The following TET1 variants were observed in gnomAD, a reference collection of about 807,000 sequenced individuals.
TET1 encodes the protein methylcytosine dioxygenase TET1.
TET1 carries 13 observed loss-of-function variants against 148.7 expected under a neutral mutation model. That is an observed-to-expected ratio of 0.09 (90% CI 0.06 to 0.14). The LOEUF (loss-of-function observed/expected upper bound fraction) is 0.14. TET1 is among the 10% of genes least tolerant of loss of function. The pLI, the probability that TET1 is intolerant of heterozygous loss-of-function variation, is 1.00. For synonymous variants in TET1, 907 were observed against 937.2 expected (o/e 0.97, Z 0.59); for missense variants, 2,182 against 2,553.8 (o/e 0.85, Z 3.14).
intron 7 of TET1, among the ~76,000 whole-genome samples, chr10:68,672,402 C>G (rs1001967843): frequency 1.6e-5 from 2 of 127,862 alleles, no homozygotes; most frequent in African/African-American, 5.9e-5. Flanking sequence ...GCAGCAGAAT[C>G]GATTGAACTT....
At chr10:68,580,657 C>G (rs2053783668) in intron 2 of TET1, among the ~76,000 whole-genome samples, 1 of 151,180 alleles carries the variant, frequency 6.6e-6, no homozygotes, top group South Asian at 2.1e-4. Context: ...TGGTGCATGC[C>G]TATAATCTCA....
At chr10:68,610,669 C>T (rs377642137) in intron 3 of TET1, among the ~76,000 whole-genome samples, 4 of 151,232 alleles carry the variant, frequency 2.6e-5, no homozygotes, top group Admixed American at 2.0e-4. Context: ...TTTGTTTTTA[C>T]TTTTTTTTGA....
intron 3 of TET1, among the ~76,000 whole-genome samples, chr10:68,624,660 C>CTTTCTT (rs1462948714): frequency 0.043 from 3,187 of 73,876 alleles, 80 homozygotes; most frequent in African/African-American, 0.05. Flanking sequence ...TTCTTTCTTT[C>CTTTCTT]TCTCTCTCTC....
At chr10:68,634,184 T>C (rs2054617700) in intron 3 of TET1, among the ~76,000 whole-genome samples, 1 of 152,184 alleles carries the variant, frequency 6.6e-6, no homozygotes, top group South Asian at 2.1e-4. Flanking sequence ...CCACCGCAAC[T>C]AGCTAAGGAT....
At chr10:68,606,339 C>T (rs1389098952) in intron 3 of TET1, among the ~76,000 whole-genome samples, 1 of 152,170 alleles carries the variant, frequency 6.6e-6, no homozygotes, top group African/African-American at 2.4e-5. Context: ...TGCACTCCAG[C>T]CTGGGCGACA....
intron 2 of TET1, among the ~76,000 whole-genome samples, chr10:68,590,128 T>A (rs969687586): frequency 6.6e-6 from 1 of 152,102 alleles, no homozygotes; most frequent in African/African-American, 2.4e-5. Context: ...TCTTTTTTTG[T>A]GTGTGACAGG....
chr10:68,574,132 G>A lies in TET1; in HGVS notation c.1794G>A (p.Gln598=). The A allele has an allele frequency of 5.6e-6, 9 of 1,613,960 alleles. No homozygotes were observed. Among genetic ancestry groups the A allele is most frequent in the South Asian group, 2.2e-5 (2 of 91,086 alleles). The stretch of plus-strand genomic sequence containing the variant: ...GATGTGGGGTCTGTGAACCCTGCCA[G>A]CAGAAGACCAACTGTGGTGAATGCA... ...RKRCGVCEPC[Q]QKTNCGECTY... The change falls in exon 2 of 12, where the codon CAG becomes CAA. Residue 598 remains glutamine (Q), a synonymous_variant. Transcript: ENST00000373644.
chr10:68,577,731 C>T (rs1438956859), intron 2 of TET1, among the ~76,000 whole-genome samples: 2 of 152,130 alleles, frequency 1.3e-5, no homozygotes, highest in African/African-American at 4.8e-5. Flanking sequence ...ATCGCTTGAA[C>T]CTGGAGGGGG....
At chr10:68,639,572 G>A (rs1230149830) in intron 3 of TET1, among the ~76,000 whole-genome samples, 1 of 151,876 alleles carries the variant, frequency 6.6e-6, no homozygotes, top group Non-Finnish European at 1.5e-5. Flanking sequence ...AGGTTCACGT[G>A]ATCCTCCCGC....
chr10:68,685,048 A>C (rs1360412914), intron 10 of TET1, among the ~76,000 whole-genome samples: 1 of 151,824 alleles, frequency 6.6e-6, no homozygotes, highest in Non-Finnish European at 1.5e-5. Context: ...TGAACCCAGG[A>C]TCTTGAGTGT....
At position 68,675,154 on chromosome 10, in the gene TET1, G is replaced by A. The variant is rs530095529; in HGVS notation, c.4824+2109G>A. The A allele has an allele frequency of 1.7e-5, 6 of 347,726 alleles. No individual in the cohort carries two copies. In the East Asian group the frequency reaches 4.5e-4, roughly 26 times the overall value. 21.5% of individuals were successfully genotyped at this position (347,726 alleles called of 1,614,324 possible). On this transcript the variant is annotated intron_variant, in intron 8 of 11. Coordinates refer to ENST00000373644, the MANE Select transcript of TET1 (RefSeq NM_030625.3). ...CAAATAAAAAGTCATATTTGTGGGG[G>A]AAAAAAGTGTCTGTTAGTTGATAAA...
chr10:68,664,470 G>A (rs141612237), intron 6 of TET1, among the ~76,000 whole-genome samples: 68 of 149,948 alleles, frequency 4.5e-4, no homozygotes, highest in South Asian at 1.1e-3. Flanking sequence ...GTGCAGTGGC[G>A]AGATCTGGGC....
At chr10:68,583,538 C>T (rs1198486717) in intron 2 of TET1, among the ~76,000 whole-genome samples, 1 of 152,110 alleles carries the variant, frequency 6.6e-6, no homozygotes, top group African/African-American at 2.4e-5. Flanking sequence ...TTGCTTTTTA[C>T]TGATTTAATT....
rs1449090803 is a variant in TET1 at position 68,572,310 on chromosome 10, G to A, written c.-29G>A. Reference sequence around the variant, plus strand: ...AAGGACCAATGACTCTGTTTCCTGCGCCCTTTCATTTTTTCCTACTCTGTA... The same window carrying A: ...AAGGACCAATGACTCTGTTTCCTGCACCCTTTCATTTTTTCCTACTCTGTA... On this transcript the variant is annotated 5_prime_UTR_variant, in exon 2 of 12. Coordinates refer to ENST00000373644, the MANE Select transcript of TET1 (RefSeq NM_030625.3). 2.6e-6 allele frequency: 4 copies of A among 1,549,690 alleles called. No homozygotes were observed. The highest frequency in any genetic ancestry group is 2.5e-5 in the South Asian group (2 of 80,634).
At chr10:68,682,764 T>C (rs2055453728) in intron 9 of TET1, 72 bp from the exon 10 acceptor site, 1 of 1,490,398 alleles carries the variant, frequency 6.7e-7, no homozygotes, top group Non-Finnish European at 9.0e-7. Flanking sequence ...GAGGAAATTA[T>C]TTTTACTCTT....
At chr10:68,624,668 CT>C (rs2054442575) in intron 3 of TET1, among the ~76,000 whole-genome samples, 1 of 97,422 alleles carries the variant, frequency 1.0e-5, no homozygotes, top group East Asian at 3.0e-4. Flanking sequence ...TTCTCTCTCT[CT>C]CTCTCTCTCT....
chr10:68,640,544 C>CTTTTTTTTTTTTTTTTT lies in TET1; in HGVS notation c.1969-4145_1969-4129dup, dbSNP rs60460824. On this transcript the variant is annotated intron_variant, in intron 3 of 11. Coordinates refer to ENST00000373644, the MANE Select transcript of TET1 (RefSeq NM_030625.3). ...AAATATTCTTTTTCTTTCTTTCTTT[C>CTTTTTTTTTTTTTTTTT]TTTTTTTTTTTTTTTTTTTTTTTTT... Among the ~76,000 whole-genome samples, 47 of 42,886 alleles carry CTTTTTTTTTTTTTTTTT rather than the reference C, an allele frequency of 1.1e-3. 7 individuals carry two copies. The highest frequency in any genetic ancestry group is 1.6e-3 in the East Asian group (2 of 1,268). The allele number at this position is 42,886 out of a possible 152,430, so 28.1% of individuals were successfully genotyped here.
At position 68,605,342 on chromosome 10, in the gene TET1, G is replaced by A. The variant is rs988749861; in HGVS notation, c.1968+4308G>A. Among the ~76,000 whole-genome samples, 3 of 152,002 alleles carry A rather than the reference G, an allele frequency of 2.0e-5. No homozygotes were observed. In the South Asian group the frequency reaches 6.2e-4, roughly 32 times the overall value. On this transcript the variant is annotated intron_variant, in intron 3 of 11. Transcript: ENST00000373644. ...TACAAAATTAGCCAGGGGTAGTGGC[G>A]CATGCCTGTAATCCCACCTACTCGG...
intron 7 of TET1, among the ~76,000 whole-genome samples, chr10:68,670,908 ATTG>A (rs1284657895): frequency 6.6e-6 from 1 of 151,874 alleles, no homozygotes; most frequent in Non-Finnish European, 1.5e-5. Flanking sequence ...TGGTTTCTTT[ATTG>A]TTTTATATTT....
Sources: allele counts gnomAD v4.1 joint callset (sites outside exome capture counted in the v4.1 genomes callset), GRCh38; gene constraint gnomAD v4.1.1; transcripts MANE v1.5; gene names NCBI Gene and HGNC (gene_info 2026-07-23, HGNC 2026-07-21).